IPPK: variants seen among roughly 807,000 people sequenced by gnomAD.
IPPK encodes the protein IPK1 homolog.
Under a neutral mutation model 64.6 loss-of-function variants are expected in IPPK, and 22 were observed. That is an observed-to-expected ratio of 0.34 (90% CI 0.24 to 0.49). The LOEUF is 0.49. IPPK is among the 20% of genes least tolerant of loss of function. The probability of loss-of-function intolerance (pLI) is 0.99; values close to 1 mark genes in which losing one functional copy is unlikely to be tolerated. For synonymous variants in IPPK, 262 were observed against 247.2 expected (o/e 1.06, Z -0.56); for missense variants, 532 against 630.7 (o/e 0.84, Z 1.68).
intron 1 of IPPK, 38 bp from the exon 2 acceptor site, chr9:92,658,719 C>T: frequency 6.3e-7 from 1 of 1,597,040 alleles, no homozygotes; most frequent in Admixed American, 1.7e-5. Context: ...AGTATTTGCT[C>T]AAAGCCAAGG....
Position 92,613,513 on chromosome 9 carries a change from C to G in IPPK, c.*2319G>C, listed in dbSNP as rs1049376583. Reference sequence around the variant, plus strand: ...GCCACATTACTCAGCTGGGAGAAGCCACCCTTATCCTGGTTCCTGCCTCCT... The same window carrying G: ...GCCACATTACTCAGCTGGGAGAAGCGACCCTTATCCTGGTTCCTGCCTCCT... On this transcript the variant is annotated 3_prime_UTR_variant, in exon 13 of 13. Coordinates refer to ENST00000287996, the MANE Select transcript of IPPK (RefSeq NM_022755.6). 3 of 239,322 alleles carry G rather than the reference C, an allele frequency of 1.3e-5. No individual in the cohort carries two copies. The highest frequency in any genetic ancestry group is 9.7e-5 in the Admixed American group (2 of 20,520). 14.8% of individuals were successfully genotyped at this position (239,322 alleles called of 1,614,324 possible).
At position 92,649,475 on chromosome 9, in the gene IPPK, G is replaced by T; in HGVS notation, c.392C>A (p.Pro131Gln). 1 of 1,614,080 alleles carries T rather than the reference G, an allele frequency of 6.2e-7. No homozygotes were observed. Among genetic ancestry groups the T allele is most frequent in the South Asian group, 1.1e-5 (1 of 91,070 alleles). Reference sequence around the variant, plus strand: ...CACCTTAATCTCTACACACAGAATCGGCCGGTGCTCTGCAAAGCGGTAGGT... The same window carrying T: ...CACCTTAATCTCTACACACAGAATCTGCCGGTGCTCTGCAAAGCGGTAGGT... ...LQTYRFAEHR[P>Q]ILCVEIKPKC... is the part of the protein sequence containing the mutation. Residue 131 changes from proline to glutamine, a missense_variant, in exon 5 of 13, where the codon CCG becomes CAG. Pro to Gln is a moderately conservative substitution (Grantham distance 76). Coordinates refer to ENST00000287996, the MANE Select transcript of IPPK (RefSeq NM_022755.6).
At chr9:92,637,160 A>C (rs1429457277) in intron 9 of IPPK, among the ~76,000 whole-genome samples, 1 of 152,114 alleles carries the variant, frequency 6.6e-6, no homozygotes, top group Non-Finnish European at 1.5e-5. Flanking sequence ...GTCTTTACTA[A>C]AATACAAAAA....
chr9:92,635,327 G>C lies in IPPK; in HGVS notation c.917-19C>G, dbSNP rs1170080719. On this transcript the variant is annotated intron_variant, in intron 9 of 12. Transcript: ENST00000287996. The surrounding 1 kb of genome is among the most constrained non-coding windows in gnomAD (Gnocchi z 4.4). Reference sequence around the variant, plus strand: ...TTTTTTCCTACCGAGAACATCAGGGGAAAACGAGAGCATGTTGATTATCAA... The same window carrying C: ...TTTTTTCCTACCGAGAACATCAGGGCAAAACGAGAGCATGTTGATTATCAA... 6.2e-7 allele frequency: 1 copy of C among 1,602,656 alleles called. No individual in the cohort carries two copies. The highest frequency in any genetic ancestry group is 8.5e-7 in the Non-Finnish European group (1 of 1,174,734).
chr9:92,660,700 T>C (rs936087055), intron 1 of IPPK, among the ~76,000 whole-genome samples: 3 of 152,200 alleles, frequency 2.0e-5, no homozygotes, highest in African/African-American at 7.2e-5. Context: ...CCTGGCAGCA[T>C]TCACCTGCTA....
intron 2 of IPPK, 139 bp from the exon 3 acceptor site, chr9:92,656,690 G>C (rs1416573431): frequency 1.6e-6 from 1 of 624,364 alleles, no homozygotes. Context: ...CCGGGTGACA[G>C]CCCTCAGACC....
rs142719763 is a variant in IPPK, at chr9:92,664,996, T to C, written c.81+4912A>G. Among the ~76,000 whole-genome samples, 305 of 152,208 alleles carry C rather than the reference T, an allele frequency of 2.0e-3. 1 individual carries two copies. Among genetic ancestry groups the C allele is most frequent in the Non-Finnish European group, 3.4e-3 (229 of 68,028 alleles). ...GTGCACGAGAGGCACTGTCACAGGC[T>C]GCAGTCACCAAACAGCAGACCTCAT... is the stretch of plus-strand genomic sequence containing the variant. On this transcript the variant is annotated intron_variant, in intron 1 of 12. Transcript: ENST00000287996.
chr9:92,645,476 C>A (rs1451146672), intron 6 of IPPK, among the ~76,000 whole-genome samples: 2 of 152,022 alleles, frequency 1.3e-5, no homozygotes, highest in East Asian at 3.9e-4. Flanking sequence ...GGCTCAAGAA[C>A]AGGCTTGAGT....
rs745381414 is a variant in IPPK, at chr9:92,634,466, G to C, written c.1090C>G (p.Pro364Ala). The C allele has an allele frequency of 1.3e-5, 21 of 1,613,482 alleles. No homozygotes were observed. The South Asian group carries it at 2.2e-4, about 17-fold the overall frequency. ...TTCTGGTAAAATGCTTCATCATAAG[G>C]CCCATCTATTTGTAAGGTTTTTCTG... ...EERKTLQIDGPYDEAFYQKLL... is the reference protein window; with the variant it reads ...EERKTLQIDGAYDEAFYQKLL... Residue 364 changes from proline to alanine, a missense_variant, in exon 11 of 13, where the codon CCT becomes GCT. Coordinates refer to ENST00000287996, the MANE Select transcript of IPPK (RefSeq NM_022755.6).
intron 11 of IPPK, among the ~76,000 whole-genome samples, chr9:92,629,417 A>C (rs1333411816): frequency 1.3e-5 from 2 of 152,220 alleles, no homozygotes; most frequent in African/African-American, 4.8e-5. Context: ...TAGTAGCCAG[A>C]ATATACAAAG....
At chr9:92,620,305 C>G (rs1052425631) in intron 11 of IPPK, 3 of 152,476 alleles carry the variant, frequency 2.0e-5, no homozygotes, top group Non-Finnish European at 2.9e-5. Context: ...ACACACACCA[C>G]ACTGTCAGAG....
At position 92,634,390 on chromosome 9, in the gene IPPK, G is replaced by A. The variant is rs765593691; in HGVS notation, c.1166C>T (p.Thr389Met). The A allele has an allele frequency of 2.6e-5, 42 of 1,612,594 alleles. No individual in the cohort carries two copies. Among genetic ancestry groups the A allele is most frequent in the East Asian group, 2.2e-4 (10 of 44,884 alleles). ...TTTTTGGATGGGTCTGCCCACCTTCGTTAGCGCGAAGGCCACTGTCCCGTC... is the reference window on the plus strand; with the variant it reads ...TTTTTGGATGGGTCTGCCCACCTTCATTAGCGCGAAGGCCACTGTCCCGTC... Reference protein sequence around the residue: ...EDDGTVAFALTKVQQYRVAMT... With the variant: ...EDDGTVAFALMKVQQYRVAMT... Residue 389 changes from threonine to methionine, a missense_variant, in exon 11 of 13, where the codon ACG becomes ATG. Transcript: ENST00000287996.
At chr9:92,640,596 G>T in intron 8 of IPPK, 114 bp downstream of exon 8, 2 of 770,246 alleles carry the variant, frequency 2.6e-6, no homozygotes, top group East Asian at 4.9e-5. Flanking sequence ...GGACCCCAAA[G>T]GGGATGTCAG....
chr9:92,632,767 C>T (rs777393857), intron 11 of IPPK, among the ~76,000 whole-genome samples: 7 of 152,186 alleles, frequency 4.6e-5, no homozygotes, highest in Non-Finnish European at 8.8e-5. Context: ...TACCAGACAT[C>T]CTCAGTTCTC....
chr9:92,667,106 G>A (rs1278639577), intron 1 of IPPK, among the ~76,000 whole-genome samples: 3 of 152,138 alleles, frequency 2.0e-5, no homozygotes, highest in African/African-American at 7.2e-5. Context: ...GACTCATTAG[G>A]GACCTTTCAA....
intron 11 of IPPK, chr9:92,620,259 T>A (rs1851586471): frequency 1.3e-5 from 2 of 153,984 alleles, no homozygotes; most frequent in South Asian, 2.0e-4. Context: ...TGCTCCAAGC[T>A]ATGTGGGTCT....
chr9:92,633,436 T>C (rs973164580), intron 11 of IPPK, among the ~76,000 whole-genome samples: 1 of 152,072 alleles, frequency 6.6e-6, no homozygotes, highest in African/African-American at 2.4e-5. Flanking sequence ...CACAGCGGTA[T>C]GATCACAGTT....
At chr9:92,656,248 G>A (rs1035986364) in intron 3 of IPPK, among the ~76,000 whole-genome samples, 3 of 152,140 alleles carry the variant, frequency 2.0e-5, no homozygotes, top group South Asian at 2.1e-4. Context: ...AGGGGTTCAC[G>A]TGGGCCCTCT....
intron 1 of IPPK, among the ~76,000 whole-genome samples, chr9:92,662,557 T>C (rs1217435528): frequency 3.3e-5 from 5 of 150,562 alleles, no homozygotes; most frequent in East Asian, 1.9e-4. Context: ...AGAGTTAAGA[T>C]TGGAAGGGAA....
Sources: gnomAD v4.1 joint callset for allele counts (sites outside exome capture counted in the v4.1 genomes callset) on GRCh38, gnomAD v4.1.1 for gene constraint, Gnocchi (gnomAD v3.1) non-coding constraint, MANE v1.5 for transcripts, NCBI Gene and HGNC (gene_info 2026-07-23, HGNC 2026-07-21) for gene names.